The following THEM6 variants were observed in gnomAD, a reference collection of about 807,000 sequenced individuals.
THEM6 encodes the protein protein THEM6.
Under a neutral mutation model 13.7 loss-of-function variants are expected in THEM6, and 10 were observed. The ratio of observed to expected loss-of-function variants is 0.73; its 90% confidence interval spans 0.45 to 1.24. The LOEUF is 1.24. Among genes scored for constraint, THEM6 ranks in the 50% most tolerant of loss-of-function variants. The pLI is 0.00. For synonymous variants in THEM6, 161 were observed against 156.0 expected (o/e 1.03, Z -0.24); for missense variants, 317 against 312.6 (o/e 1.01, Z -0.11).
intron 1 of THEM6, chr8:142,735,105 G>A: frequency 1.9e-6 from 1 of 528,366 alleles, no homozygotes; most frequent in Non-Finnish European, 3.4e-6. Context: ...GGGTTCTGGG[G>A]ATGGCCCCTA....
rs941622221 is a variant in THEM6, at chr8:142,735,696, C to T, written c.*257C>T. The T allele has an allele frequency of 1.8e-5, 9 of 493,460 alleles. No homozygotes were observed. Among genetic ancestry groups the T allele is most frequent in the Non-Finnish European group, 3.4e-5 (9 of 268,590 alleles). The allele number at this position is 493,460 out of a possible 1,614,324, so 30.6% of individuals were successfully genotyped here. The stretch of plus-strand genomic sequence containing the variant: ...GGGGATGGATGGGCAAAGGAGAGTC[C>T]TGCCTGGCCCTACGATGAGGCCACT... On this transcript the variant is annotated 3_prime_UTR_variant, in exon 2 of 2. Coordinates refer to ENST00000336138, the MANE Select transcript of THEM6 (RefSeq NM_016647.3).
rs587618110 is a variant in THEM6, at chr8:142,727,319, G to A, written c.-28G>A. On this transcript the variant is annotated 5_prime_UTR_variant, in exon 1 of 2. Transcript: ENST00000336138. Reference sequence around the variant, plus strand: ...CACCGGCACCGGCGCCACGGACTCCGCAGGACCCCGCGCCCGCCGCCGCCG... The same window carrying A: ...CACCGGCACCGGCGCCACGGACTCCACAGGACCCCGCGCCCGCCGCCGCCG... 1 of 1,492,180 alleles carries A rather than the reference G, an allele frequency of 6.7e-7. No homozygotes were observed. Among genetic ancestry groups the A allele is most frequent in the South Asian group, 1.3e-5 (1 of 78,854 alleles). 92.4% of individuals were successfully genotyped at this position (1,492,180 alleles called of 1,614,324 possible).
Position 142,727,553 on chromosome 8 carries a change from C to G in THEM6, c.207C>G (p.Arg69=), listed in dbSNP as rs1587579007. 6.4e-7 allele frequency: 1 copy of G among 1,557,238 alleles called. No individual in the cohort carries two copies. The highest frequency in any genetic ancestry group is 2.4e-5 in the East Asian group (1 of 40,834). Residue 69 remains arginine, a synonymous_variant, in exon 1 of 2, where the codon CGC becomes CGG. Coordinates refer to ENST00000336138, the MANE Select transcript of THEM6 (RefSeq NM_016647.3). ...LDLLLHMNNA[R]YLREADFARV... ...TGCTGCTGCACATGAACAACGCGCG[C>G]TACCTGCGCGAGGCCGACTTTGCGC...
intron 1 of THEM6, among the ~76,000 whole-genome samples, chr8:142,732,529 CACAA>C (rs966503402): frequency 1.3e-5 from 2 of 151,948 alleles, no homozygotes. Flanking sequence ...TCACCGTCCA[CACAA>C]ACCACACTGC....
At chr8:142,728,185 G>A (rs907370249) in intron 1 of THEM6, among the ~76,000 whole-genome samples, 9 of 152,180 alleles carry the variant, frequency 5.9e-5, no homozygotes, top group African/African-American at 2.2e-4. Context: ...CTGTTCTGTG[G>A]CTGGAGTGTT....
intron 1 of THEM6, among the ~76,000 whole-genome samples, chr8:142,729,851 A>G (rs1472722710): frequency 2.0e-5 from 3 of 152,224 alleles, no homozygotes; most frequent in African/African-American, 7.2e-5. Flanking sequence ...TTGAATGTGT[A>G]TAGTCCCGTT....
intron 1 of THEM6, among the ~76,000 whole-genome samples, chr8:142,730,515 G>T (rs10956983): frequency 0.022 from 3,306 of 152,324 alleles, 51 homozygotes; most frequent in Non-Finnish European, 0.037. Flanking sequence ...CCGCCCAGGG[G>T]ACACTGCGGC....
intron 1 of THEM6, chr8:142,735,116 G>T (rs1007730494): frequency 3.5e-6 from 2 of 569,210 alleles, no homozygotes; most frequent in South Asian, 2.1e-5. Flanking sequence ...ATGGCCCCTA[G>T]GGGAGACGGG....
chr8:142,732,073 T>A (rs1815656593), intron 1 of THEM6, among the ~76,000 whole-genome samples: 1 of 148,292 alleles, frequency 6.7e-6, no homozygotes, highest in Non-Finnish European at 1.5e-5. Context: ...TTTTCCCCCC[T>A]CTCCTTCCCC....
In THEM6 at chr8:142,727,601, C is replaced by G; in HGVS notation, c.255C>G (p.Cys85Trp). The change falls in exon 1 of 2, where the codon TGC becomes TGG. Residue 85 changes from cysteine (C) to tryptophan (W), a missense_variant. Transcript: ENST00000336138. The part of the protein sequence containing the change: ...DFARVAHLTR[C>W]GVLGALRELR... ...CGCGCGTCGCGCACCTGACCCGCTG[C>G]GGGGTGCTCGGGGCGCTGAGGGAGT... 1 of 1,509,348 alleles carries G rather than the reference C, an allele frequency of 6.6e-7. No homozygotes were observed. The highest frequency in any genetic ancestry group is 8.8e-7 in the Non-Finnish European group (1 of 1,136,426). 93.5% of individuals were successfully genotyped at this position (1,509,348 alleles called of 1,614,324 possible).
chr8:142,730,002 TC>T (rs1183466709), intron 1 of THEM6, among the ~76,000 whole-genome samples: 12 of 152,180 alleles, frequency 7.9e-5, no homozygotes, highest in African/African-American at 2.4e-4. Context: ...CTGTTGTTGA[TC>T]TTTTACATTT....
intron 1 of THEM6, among the ~76,000 whole-genome samples, chr8:142,728,588 G>A (rs1273629520): frequency 6.6e-6 from 1 of 152,214 alleles, no homozygotes; most frequent in African/African-American, 2.4e-5. Context: ...TGCCCTCTCC[G>A]GTCTCGGACA....
intron 1 of THEM6, among the ~76,000 whole-genome samples, chr8:142,731,880 A>G (rs1815653217): frequency 1.3e-5 from 2 of 152,050 alleles, no homozygotes; most frequent in African/African-American, 4.8e-5. Flanking sequence ...CGGCCCCGGC[A>G]GCCCAGAGGC....
In THEM6 at chr8:142,727,675, C is replaced by T. The variant is rs1416684141; in HGVS notation, c.329C>T (p.Ser110Leu). 4.9e-6 allele frequency: 7 copies of T among 1,432,886 alleles called. No homozygotes were observed. Among genetic ancestry groups the T allele is most frequent in the Admixed American group, 6.1e-5 (2 of 32,972 alleles). 88.8% of individuals were successfully genotyped at this position (1,432,886 alleles called of 1,614,324 possible). Residue 110 changes from serine to leucine, a missense_variant, in exon 1 of 2, where the codon TCG becomes TTG. By Grantham distance (145) the Ser-to-Leu change is moderately radical (BLOSUM62 -2). Transcript: ENST00000336138. ...LAASCARHRR[S>L]LRLLEPFEVR... ...GCCTCGTGCGCGCGCCACCGCCGCT[C>T]GCTGCGCCTGCTGGAGCCCTTCGAG...
chr8:142,727,399 T>TG lies in THEM6; in HGVS notation c.54dup (p.Leu19AlafsTer25), dbSNP rs1325197076. The TG allele has an allele frequency of 6.5e-7, 1 of 1,530,712 alleles. No homozygotes were observed. Among genetic ancestry groups the TG allele is most frequent in the Admixed American group, 2.0e-5 (1 of 51,060 alleles). 94.8% of individuals were successfully genotyped at this position (1,530,712 alleles called of 1,614,324 possible). ...GCCCTGGGGCTCGCTGTCTTTGCGCTGCTGGACGTCTGGTACCTGGTGCGC... is the reference window on the plus strand; with the variant it reads ...GCCCTGGGGCTCGCTGTCTTTGCGCTGGCTGGACGTCTGGTACCTGGTGCGC... On this transcript the variant is annotated frameshift_variant, in exon 1 of 2. Coordinates refer to ENST00000336138, the MANE Select transcript of THEM6 (RefSeq NM_016647.3). LOFTEE classifies it high-confidence loss of function.
chr8:142,727,288 C>T lies in THEM6; in HGVS notation c.-59C>T, dbSNP rs1587578282. ...GCCTGGCGGGCACCGTAACCAGCGCCGCGGACACCGGCACCGGCGCCACGG... is the reference window on the plus strand; with the variant it reads ...GCCTGGCGGGCACCGTAACCAGCGCTGCGGACACCGGCACCGGCGCCACGG... On this transcript the variant is annotated 5_prime_UTR_variant, in exon 1 of 2. Transcript: ENST00000336138. 1 of 1,404,500 alleles carries T rather than the reference C, an allele frequency of 7.1e-7. No homozygotes were observed. The highest frequency in any genetic ancestry group is 9.2e-7 in the Non-Finnish European group (1 of 1,087,050). 87.0% of individuals were successfully genotyped at this position (1,404,500 alleles called of 1,614,324 possible). A position where few individuals can be genotyped will look rare whatever the true frequency, so the allele number is the denominator to read the frequency against.
chr8:142,728,931 TATTTTC>T, intron 1 of THEM6, among the ~76,000 whole-genome samples: 1 of 145,256 alleles, frequency 6.9e-6, no homozygotes, highest in East Asian at 2.0e-4. Flanking sequence ...TCAATATTAC[TATTTTC>T]TTTTTTTTTT....
At chr8:142,729,936 G>A (rs1305184842) in intron 1 of THEM6, among the ~76,000 whole-genome samples, 1 of 152,230 alleles carries the variant, frequency 6.6e-6, no homozygotes, top group Non-Finnish European at 1.5e-5. Context: ...ATGAGAGCTA[G>A]GGGTAACCAT....
In THEM6 at chr8:142,727,684, T is replaced by C; in HGVS notation, c.338T>C (p.Leu113Pro). The C allele has an allele frequency of 5.6e-6, 8 of 1,431,044 alleles. No homozygotes were observed. The highest frequency in any genetic ancestry group is 2.9e-5 in the East Asian group (1 of 34,064). 88.6% of individuals were successfully genotyped at this position (1,431,044 alleles called of 1,614,324 possible). ...SCARHRRSLRLLEPFEVRTRL... is the reference protein window; with the variant it reads ...SCARHRRSLRPLEPFEVRTRL... ...GCGCGCCACCGCCGCTCGCTGCGCC[T>C]GCTGGAGCCCTTCGAGGTGCGCACC... The change falls in exon 1 of 2, where the codon CTG becomes CCG. Residue 113 changes from leucine (L) to proline (P), a missense_variant. Leu to Pro is a moderately conservative substitution (Grantham distance 98, BLOSUM62 -3). Transcript: ENST00000336138.
Sources: allele counts gnomAD v4.1 joint callset (sites outside exome capture counted in the v4.1 genomes callset), GRCh38; gene constraint gnomAD v4.1.1; transcripts MANE v1.5; gene names NCBI Gene and HGNC (gene_info 2026-07-23, HGNC 2026-07-21).